Variants in TECPR2 observed in about 807,000 individuals in gnomAD.
The protein encoded by TECPR2 is tectonin beta-propeller repeat containing 2, also known as tectonin beta-propeller repeat-containing protein 2.
TECPR2 carries 65 observed loss-of-function variants against 138.1 expected under a neutral mutation model. The observed-to-expected ratio is 0.47, with a 90% CI of 0.39 to 0.58. The LOEUF is 0.58. Ranked by LOEUF, TECPR2 falls within the 20% of genes least tolerant of loss-of-function variation. The pLI is 0.00. For missense variants in TECPR2, 1,553 were observed against 1,824.5 expected (o/e 0.85, Z 2.71); for synonymous variants, 746 against 749.8 (o/e 0.99, Z 0.08).
At chr14:102,374,459 C>G (rs1281911715) in intron 1 of TECPR2, among the ~76,000 whole-genome samples, 1 of 152,106 alleles carries the variant, frequency 6.6e-6, no homozygotes, top group Non-Finnish European at 1.5e-5. Flanking sequence ...CCTCAAATTC[C>G]TAGGCTCAAG....
intron 13 of TECPR2, among the ~76,000 whole-genome samples, chr14:102,448,468 A>C (rs1890047545): frequency 6.6e-6 from 1 of 152,202 alleles, no homozygotes; most frequent in African/African-American, 2.4e-5. Context: ...TTATAGAAGC[A>C]AGCTACCCTT....
chr14:102,446,314 C>A (rs1889979624), intron 13 of TECPR2, among the ~76,000 whole-genome samples: 1 of 152,010 alleles, frequency 6.6e-6, no homozygotes, highest in African/African-American at 2.4e-5. Flanking sequence ...AGAGATCCAC[C>A]CAGACTGGGC....
chr14:102,376,969 G>T lies in TECPR2; in HGVS notation c.219+29G>T, dbSNP rs766694706. ...AGCCTTGCTTTGCTTTTCACCTGAG[G>T]GGGCACGAGCCATAGCTGACGCTTA... On this transcript the variant is annotated intron_variant, in intron 2 of 19. Coordinates refer to ENST00000359520, the MANE Select transcript of TECPR2 (RefSeq NM_014844.5). The T allele has an allele frequency of 1.1e-5, 17 of 1,595,854 alleles. No homozygotes were observed. In the South Asian group the frequency reaches 1.9e-4, roughly 18 times the overall value.
intron 1 of TECPR2, among the ~76,000 whole-genome samples, chr14:102,371,999 T>A (rs1311088361): frequency 6.6e-6 from 1 of 152,202 alleles, no homozygotes; most frequent in Non-Finnish European, 1.5e-5. Context: ...TTTGTCCTTT[T>A]ATTTTGAGAT....
intron 2 of TECPR2, among the ~76,000 whole-genome samples, chr14:102,383,456 G>T (rs1026746985): frequency 6.6e-6 from 1 of 150,798 alleles, no homozygotes; most frequent in Non-Finnish European, 1.5e-5. Context: ...CTCCCAGGCT[G>T]GAGTGCAGTG....
chr14:102,393,434 CATATT>C (rs1888231604), intron 2 of TECPR2, among the ~76,000 whole-genome samples: 1 of 152,126 alleles, frequency 6.6e-6, no homozygotes, highest in Non-Finnish European at 1.5e-5. Flanking sequence ...TATTAATAAT[CATATT>C]AAATAACATT....
rs191265273 is a variant in TECPR2, at chr14:102,399,825, G to A, written c.220-7513G>A. Among the ~76,000 whole-genome samples, 47 of 148,512 alleles carry A rather than the reference G, an allele frequency of 3.2e-4. No individual in the cohort carries two copies. The East Asian group carries it at 3.4e-3, about 11-fold the overall frequency. On this transcript the variant is annotated intron_variant, in intron 2 of 19. Coordinates refer to ENST00000359520, the MANE Select transcript of TECPR2 (RefSeq NM_014844.5). ...CAGCCTGGTGACAGAGCAAGACTCC[G>A]TCTCAAAAAAAGAAATGAAGAAAAA... is the stretch of plus-strand genomic sequence containing the variant.
intron 1 of TECPR2, among the ~76,000 whole-genome samples, chr14:102,364,392 C>T (rs1887284141): frequency 6.6e-6 from 1 of 152,218 alleles, no homozygotes; most frequent in African/African-American, 2.4e-5. Context: ...CATCGTGTGC[C>T]AGCACTGTGC....
intron 5 of TECPR2, among the ~76,000 whole-genome samples, chr14:102,421,204 T>G (rs1274171342): frequency 6.6e-6 from 1 of 152,112 alleles, no homozygotes; most frequent in Non-Finnish European, 1.5e-5. Flanking sequence ...AGAAATTGAT[T>G]GACAGGAAAG....
intron 6 of TECPR2, 21 bp downstream of exon 6, chr14:102,425,312 A>G (rs748259842): frequency 5.8e-6 from 9 of 1,553,810 alleles, no homozygotes; most frequent in East Asian, 2.3e-5. Context: ...GGACGCCACC[A>G]TATCTTCTGT....
chr14:102,374,915 G>T (rs755832496), intron 1 of TECPR2, among the ~76,000 whole-genome samples: 1 of 152,202 alleles, frequency 6.6e-6, no homozygotes, highest in African/African-American at 2.4e-5. Flanking sequence ...TTCTCCCTGC[G>T]GGGGGAAGAG....
chr14:102,440,590 G>T lies in TECPR2; in HGVS notation c.2733G>T (p.Gly911=). 1 of 1,613,814 alleles carries T rather than the reference G, an allele frequency of 6.2e-7. No individual in the cohort carries two copies. The highest frequency in any genetic ancestry group is 8.5e-7 in the Non-Finnish European group (1 of 1,179,898). Reference sequence around the variant, plus strand: ...CGGCCTGGATCATCAGGACCAGTGGGGACCTATACTTGCAGACAGGTAACC... The same window carrying T: ...CGGCCTGGATCATCAGGACCAGTGGTGACCTATACTTGCAGACAGGTAACC... The part of the protein sequence containing the change: ...DDTAWIIRTS[G]DLYLQTGLSV... The change falls in exon 11 of 20, where the codon GGG becomes GGT. Residue 911 remains glycine, a synonymous_variant. Coordinates refer to ENST00000359520, the MANE Select transcript of TECPR2 (RefSeq NM_014844.5).
In TECPR2 at chr14:102,413,025, G is replaced by A. The variant is rs565243551; in HGVS notation, c.481-1611G>A. On this transcript the variant is annotated intron_variant, in intron 4 of 19. Transcript: ENST00000359520. ...GTTGGAGGATCAGTTGAGCCTTGGAGGTGGAGATTGCAGTGAGCTGAGATT... is the reference window on the plus strand; with the variant it reads ...GTTGGAGGATCAGTTGAGCCTTGGAAGTGGAGATTGCAGTGAGCTGAGATT... Among the ~76,000 whole-genome samples, 438 of 152,224 alleles carry A rather than the reference G, an allele frequency of 2.9e-3. 2 individuals are homozygous for A. Among genetic ancestry groups the A allele is most frequent in the Non-Finnish European group, 4.3e-3 (291 of 68,004 alleles).
rs1889179384 is a variant in TECPR2, at chr14:102,421,475, G to A, written c.639-3504G>A. Among the ~76,000 whole-genome samples, 2 of 152,330 alleles carry A rather than the reference G, an allele frequency of 1.3e-5. 1 individual carries two copies. The highest frequency in any genetic ancestry group is 6.8e-3 in the Middle Eastern group (2 of 294). On this transcript the variant is annotated intron_variant, in intron 5 of 19. Transcript: ENST00000359520. ...CTGAGGTGCCAGAGGGACCTAGTGA[G>A]ATTCTGGTGTGCGAAGAAACCCCGC...
At chr14:102,459,243 C>T (rs1200980131) in intron 16 of TECPR2, among the ~76,000 whole-genome samples, 1 of 152,082 alleles carries the variant, frequency 6.6e-6, no homozygotes, top group African/African-American at 2.4e-5. Flanking sequence ...TTTAAAATGT[C>T]AGGGAAAGTC....
intron 17 of TECPR2, among the ~76,000 whole-genome samples, chr14:102,494,545 G>A (rs1395176207): frequency 4.0e-5 from 6 of 151,286 alleles, no homozygotes; most frequent in African/African-American, 7.3e-5. Flanking sequence ...AAACTAGCTC[G>A]GACGGGTGCG....
chr14:102,399,868 T>A (rs747071368), intron 2 of TECPR2, among the ~76,000 whole-genome samples: 25 of 150,652 alleles, frequency 1.7e-4, no homozygotes, highest in Non-Finnish European at 3.5e-4. Flanking sequence ...GAAAAAGAAA[T>A]GAAGATCTCA....
At chr14:102,379,862 T>TA (rs1433126261) in intron 2 of TECPR2, among the ~76,000 whole-genome samples, 6 of 147,788 alleles carry the variant, frequency 4.1e-5, no homozygotes, top group Non-Finnish European at 8.9e-5. Flanking sequence ...ATCACAGTCT[T>TA]AAAATCCATG....
chr14:102,448,100 A>C (rs1464930436), intron 13 of TECPR2, among the ~76,000 whole-genome samples: 1 of 152,128 alleles, frequency 6.6e-6, no homozygotes, highest in East Asian at 1.9e-4. Flanking sequence ...TTGTAACCAT[A>C]TATATACATA....
Sources: gnomAD v4.1 joint callset for allele counts (sites outside exome capture counted in the v4.1 genomes callset) on GRCh38, gnomAD v4.1.1 for gene constraint, MANE v1.5 for transcripts, NCBI Gene and HGNC (gene_info 2026-07-23, HGNC 2026-07-21) for gene names.